SLC16A9: variants seen among roughly 807,000 people sequenced by gnomAD.
SLC16A9 encodes the protein monocarboxylate transporter 9.
In SLC16A9, 26 loss-of-function variants were observed where a neutral mutation model predicts 44.3. The ratio of observed to expected loss-of-function variants is 0.59; its 90% CI spans 0.43 to 0.81. The LOEUF (loss-of-function observed/expected upper bound fraction) is 0.81. Ranked by LOEUF, SLC16A9 falls within the 40% of genes least tolerant of loss-of-function variation. SLC16A9 has a pLI of 0.00. For missense variants in SLC16A9, 559 were observed against 595.8 expected, an observed-to-expected ratio of 0.94 and a Z score of 0.64; for synonymous variants, 230 against 225.1, an observed-to-expected ratio of 1.02 and a Z score of -0.19.
Position 59,685,573 on chromosome 10 carries a change from A to G in SLC16A9, c.-36-1246T>C, listed in dbSNP as rs566504223. 3.0e-3 allele frequency among the ~76,000 whole-genome samples: 452 copies of G among 152,346 alleles called. 2 individuals carry two copies. Among genetic ancestry groups the G allele is most frequent in the African/African-American group, 9.8e-3 (406 of 41,586 alleles). ...TGGAAGATCTTCCACATCAATGCAT[A>G]CTGACCTTCCTTATTCATTTCTTAC... On this transcript the variant is annotated intron_variant, in intron 1 of 5. Transcript: ENST00000395348.
intron 4 of SLC16A9, among the ~76,000 whole-genome samples, chr10:59,655,228 T>C (rs1839323111): frequency 6.6e-6 from 1 of 152,136 alleles, no homozygotes; most frequent in African/African-American, 2.4e-5. Context: ...AGGTAGAGGT[T>C]GCAGTGAGCC....
At chr10:59,682,874 TA>T (rs1588982855) in intron 2 of SLC16A9, among the ~76,000 whole-genome samples, 1 of 148,156 alleles carries the variant, frequency 6.7e-6, no homozygotes, top group South Asian at 2.1e-4. Context: ...TCATAATGGC[TA>T]TATTATTTTT....
Position 59,690,568 on chromosome 10 carries a change from C to T in SLC16A9, c.-36-6241G>A, listed in dbSNP as rs111466183. 7.7e-3 allele frequency among the ~76,000 whole-genome samples: 1,174 copies of T among 152,236 alleles called. 16 individuals carry two copies. The highest frequency in any genetic ancestry group is 0.027 in the African/African-American group (1,135 of 41,538). On this transcript the variant is annotated intron_variant, in intron 1 of 5. Transcript: ENST00000395348. ...GCCAAGGCAAGAGGAATAACATGAA[C>T]ATACATGTGTAATCAGGATAGGCCC...
intron 4 of SLC16A9, among the ~76,000 whole-genome samples, chr10:59,657,337 C>T (rs550592226): frequency 9.9e-5 from 15 of 152,230 alleles, no homozygotes; most frequent in Non-Finnish European, 1.8e-4. Flanking sequence ...AGATCGCTTC[C>T]CCCAAACCTT....
intron 2 of SLC16A9, among the ~76,000 whole-genome samples, chr10:59,678,546 C>CTTTTTCTTTTTTTTCTTTTTTTT (rs1839912421): frequency 3.3e-5 from 1 of 30,620 alleles, no homozygotes; most frequent in African/African-American, 8.9e-5. Context: ...TTTTCTTTTT[C>CTTTTTCTTTTTTTTCTTTTTTTT]TTTTTTTTGA....
chr10:59,693,214 T>C (rs912770629), intron 1 of SLC16A9, among the ~76,000 whole-genome samples: 3 of 152,216 alleles, frequency 2.0e-5, no homozygotes, highest in East Asian at 1.9e-4. Context: ...TTAAAGTAAG[T>C]CTCCTCTGGG....
chr10:59,653,194 C>T (rs1412649757), intron 5 of SLC16A9, among the ~76,000 whole-genome samples: 1 of 151,446 alleles, frequency 6.6e-6, no homozygotes, highest in Non-Finnish European at 1.5e-5. Context: ...CCGAGGCGGG[C>T]GGATCACGAG....
At chr10:59,702,193 A>G (rs1271062178) in intron 1 of SLC16A9, among the ~76,000 whole-genome samples, 1 of 152,242 alleles carries the variant, frequency 6.6e-6, no homozygotes, top group Non-Finnish European at 1.5e-5. Context: ...TGTGGGGTGA[A>G]GGAGATGTGG....
chr10:59,667,815 C>T (rs1258311236), intron 3 of SLC16A9, among the ~76,000 whole-genome samples: 1 of 152,178 alleles, frequency 6.6e-6, no homozygotes, highest in Non-Finnish European at 1.5e-5. Context: ...TACTACTGAC[C>T]ATTCACAGCA....
At chr10:59,674,926 C>T (rs1396114144) in intron 2 of SLC16A9, among the ~76,000 whole-genome samples, 2 of 152,134 alleles carry the variant, frequency 1.3e-5, no homozygotes, top group African/African-American at 2.4e-5. Flanking sequence ...ATGAAATATA[C>T]AGCATTGTTA....
At chr10:59,706,843 AC>A (rs1240068373) in intron 1 of SLC16A9, among the ~76,000 whole-genome samples, 2 of 151,952 alleles carry the variant, frequency 1.3e-5, no homozygotes, top group Non-Finnish European at 2.9e-5. Context: ...GCATGGTGGC[AC>A]GCACCTGTAA....
intron 4 of SLC16A9, among the ~76,000 whole-genome samples, chr10:59,662,535 T>C (rs1266043040): frequency 1.4e-5 from 2 of 142,460 alleles, no homozygotes. Flanking sequence ...CTCAGGAAGC[T>C]GAGGCAGGAG....
chr10:59,702,565 A>G (rs1840548433), intron 1 of SLC16A9, among the ~76,000 whole-genome samples: 1 of 152,118 alleles, frequency 6.6e-6, no homozygotes, highest in African/African-American at 2.4e-5. Flanking sequence ...TATGTACTCA[A>G]ATGCTTCCTT....
At chr10:59,693,183 A>AT (rs1479200418) in intron 1 of SLC16A9, among the ~76,000 whole-genome samples, 1 of 152,206 alleles carries the variant, frequency 6.6e-6, no homozygotes, top group East Asian at 1.9e-4. Flanking sequence ...TTTTATAACA[A>AT]TTTTTAAGTA....
intron 1 of SLC16A9, among the ~76,000 whole-genome samples, chr10:59,703,144 G>A (rs549439489): frequency 6.6e-6 from 1 of 152,280 alleles, no homozygotes; most frequent in African/African-American, 2.4e-5. Flanking sequence ...TTTTGAGACA[G>A]GTCCTTGCTG....
chr10:59,669,796 A>AAG (rs1564700644), intron 3 of SLC16A9, among the ~76,000 whole-genome samples: 2 of 151,934 alleles, frequency 1.3e-5, no homozygotes, highest in African/African-American at 4.8e-5. Context: ...TCCGTCTCGA[A>AAG]AGAAAAAAAA....
rs1356507363 is a variant in SLC16A9 at position 59,651,353 on chromosome 10, C to T, written c.*1419G>A. On this transcript the variant is annotated 3_prime_UTR_variant, in exon 6 of 6. Transcript: ENST00000395348. ...TGCCTCCTATTTAAAGAACACTTGG[C>T]TATTGGTTTATAAAATCCCCTGACC... 6.6e-6 allele frequency: 1 copy of T among 152,068 alleles called. No individual in the cohort carries two copies. Among genetic ancestry groups the T allele is most frequent in the Non-Finnish European group, 1.5e-5 (1 of 67,996 alleles). 9.4% of individuals were successfully genotyped at this position (152,068 alleles called of 1,614,324 possible). A position where few individuals can be genotyped will look rare whatever the true frequency, so the allele number is the denominator to read the frequency against.
chr10:59,684,353 AATCTT>A lies in SLC16A9; in HGVS notation c.-36-31_-36-27del, dbSNP rs1413833945. On this transcript the variant is annotated intron_variant, in intron 1 of 5. Coordinates refer to ENST00000395348, the MANE Select transcript of SLC16A9 (RefSeq NM_194298.3). ...CTAAACAAAAACAAACAGAAAAGAG[AATCTT>A]ATTTAGAGTGTGGTAGGGCACAGCG... 2.8e-6 allele frequency: 4 copies of A among 1,440,466 alleles called. No homozygotes were observed. In the African/African-American group the frequency reaches 5.7e-5, roughly 20 times the overall value. The allele number at this position is 1,440,466 out of a possible 1,614,324, so 89.2% of individuals were successfully genotyped here. A position where few individuals can be genotyped will look rare whatever the true frequency, so the allele number is the denominator to read the frequency against.
chr10:59,664,357 C>T lies in SLC16A9; in HGVS notation c.341-35G>A, dbSNP rs750673770. Reference sequence around the variant, plus strand: ...AGAAGACATTGCATAAATTAAGACGCTGCATTACTTCAATGCAAGAGAAAA... The same window carrying T: ...AGAAGACATTGCATAAATTAAGACGTTGCATTACTTCAATGCAAGAGAAAA... On this transcript the variant is annotated intron_variant, in intron 3 of 5. Coordinates refer to ENST00000395348, the MANE Select transcript of SLC16A9 (RefSeq NM_194298.3). 7 of 1,415,460 alleles carry T rather than the reference C, an allele frequency of 4.9e-6. No homozygotes were observed. The African/African-American group carries it at 8.6e-5, about 17-fold the overall frequency. 87.7% of individuals were successfully genotyped at this position (1,415,460 alleles called of 1,614,324 possible).
Sources: gnomAD v4.1 joint callset for allele counts (sites outside exome capture counted in the v4.1 genomes callset) on GRCh38, gnomAD v4.1.1 for gene constraint, MANE v1.5 for transcripts, NCBI Gene and HGNC (gene_info 2026-07-23, HGNC 2026-07-21) for gene names.